Variants in SLCO3A1 observed in about 807,000 individuals in gnomAD.
SLCO3A1 encodes the protein solute carrier organic anion transporter family member 3A1.
A neutral mutation model predicts 63.1 loss-of-function variants in SLCO3A1; 27 were observed. The observed-to-expected ratio is 0.43, with a 90% confidence interval of 0.32 to 0.59. The LOEUF (loss-of-function observed/expected upper bound fraction) is 0.59. Ranked by LOEUF, SLCO3A1 falls within the 20% of genes least tolerant of loss-of-function variation. The pLI, the probability that SLCO3A1 is intolerant of heterozygous loss-of-function variation, is 0.09. For missense variants in SLCO3A1, 773 were observed against 945.8 expected, an observed-to-expected ratio of 0.82 and a Z score of 2.40; for synonymous variants, 473 against 409.9, an observed-to-expected ratio of 1.15 and a Z score of -1.86.
chr15:92,006,184 T>C (rs2046310785), intron 2 of SLCO3A1, among the ~76,000 whole-genome samples: 2 of 152,136 alleles, frequency 1.3e-5, no homozygotes. Context: ...ATAAGCCAGG[T>C]TGTGCTGGAG....
intron 2 of SLCO3A1, among the ~76,000 whole-genome samples, chr15:92,022,996 A>G (rs1287161546): frequency 6.6e-6 from 1 of 151,898 alleles, no homozygotes; most frequent in African/African-American, 2.4e-5. Flanking sequence ...AAGTCATCGA[A>G]TCAACTGAGT....
chr15:91,996,975 T>C (rs1030764354), intron 2 of SLCO3A1, among the ~76,000 whole-genome samples: 3 of 151,990 alleles, frequency 2.0e-5, no homozygotes, highest in African/African-American at 7.3e-5. Flanking sequence ...ATAAACTAAG[T>C]TAAAAGACAA....
chr15:91,854,276 G>T lies in SLCO3A1; in HGVS notation c.180+188G>T. The stretch of plus-strand genomic sequence containing the variant: ...TGCCGGCCGGGGCTGCCAGCGAGCG[G>T]GTAGCGGGCGGGACCGTTGATGCCG... On this transcript the variant is annotated intron_variant, in intron 1 of 9. Transcript: ENST00000318445. The surrounding 1 kb of genome is among the most constrained non-coding windows in gnomAD (Gnocchi z 6.4). 8.7e-7 allele frequency: 1 copy of T among 1,155,086 alleles called. No homozygotes were observed. The highest frequency in any genetic ancestry group is 1.1e-6 in the Non-Finnish European group (1 of 932,988). The allele number at this position is 1,155,086 out of a possible 1,614,324, so 71.6% of individuals were successfully genotyped here. A position where few individuals can be genotyped will look rare whatever the true frequency, so the allele number is the denominator to read the frequency against.
chr15:92,021,503 A>G lies in SLCO3A1; in HGVS notation c.647-73378A>G, dbSNP rs575772357. Among the ~76,000 whole-genome samples the G allele has an allele frequency of 6.6e-5, 10 of 152,268 alleles. No homozygotes were observed. The South Asian group carries it at 1.9e-3, about 28-fold the overall frequency. On this transcript the variant is annotated intron_variant, in intron 2 of 9. Coordinates refer to ENST00000318445, the MANE Select transcript of SLCO3A1 (RefSeq NM_013272.4). ...AGACATTTTGCAAGAAGGCAGACACAATGCATTTTGAGAAAACAACCACTC... is the reference window on the plus strand; with the variant it reads ...AGACATTTTGCAAGAAGGCAGACACGATGCATTTTGAGAAAACAACCACTC...
chr15:92,156,373 G>A (rs1457272735), intron 9 of SLCO3A1, among the ~76,000 whole-genome samples: 1 of 152,148 alleles, frequency 6.6e-6, no homozygotes, highest in African/African-American at 2.4e-5. Flanking sequence ...ACCTCCTGAT[G>A]TACCTGCACC....
chr15:92,096,209 G>A (rs2047536843), intron 3 of SLCO3A1, among the ~76,000 whole-genome samples: 1 of 152,134 alleles, frequency 6.6e-6, no homozygotes, highest in Non-Finnish European at 1.5e-5. Context: ...TGGGCCCACA[G>A]GAGGGGACTA....
At chr15:92,111,570 C>T (rs1333013436) in intron 4 of SLCO3A1, among the ~76,000 whole-genome samples, 4 of 152,132 alleles carry the variant, frequency 2.6e-5, no homozygotes, top group Non-Finnish European at 5.9e-5. Context: ...TTATAGGTCC[C>T]CACGGACCAG....
At chr15:92,007,898 T>C (rs1723411929) in intron 2 of SLCO3A1, among the ~76,000 whole-genome samples, 1 of 152,194 alleles carries the variant, frequency 6.6e-6, no homozygotes, top group South Asian at 2.1e-4. Context: ...GTTTATTTAT[T>C]TTCTAAATTT....
At chr15:92,031,686 T>C (rs2046650696) in intron 2 of SLCO3A1, among the ~76,000 whole-genome samples, 1 of 152,222 alleles carries the variant, frequency 6.6e-6, no homozygotes, top group African/African-American at 2.4e-5. Context: ...ACATAGTAGG[T>C]GAATATATTT....
intron 2 of SLCO3A1, among the ~76,000 whole-genome samples, chr15:91,959,738 A>G (rs1900371060): frequency 1.3e-5 from 2 of 151,178 alleles, no homozygotes; most frequent in African/African-American, 4.9e-5. Flanking sequence ...AAAAAAAAAA[A>G]AAAAAGAAAA....
At chr15:92,039,511 A>G (rs2046770525) in intron 2 of SLCO3A1, among the ~76,000 whole-genome samples, 1 of 152,224 alleles carries the variant, frequency 6.6e-6, no homozygotes, top group Non-Finnish European at 1.5e-5. Flanking sequence ...AAACAAAACG[A>G]CAATGAGATA....
chr15:91,989,047 C>G (rs1301662503), intron 2 of SLCO3A1, among the ~76,000 whole-genome samples: 1 of 152,200 alleles, frequency 6.6e-6, no homozygotes, highest in African/African-American at 2.4e-5. Context: ...TAACCTGACT[C>G]TTCTTGAATT....
At chr15:92,079,608 C>T (rs1567108017) in intron 2 of SLCO3A1, among the ~76,000 whole-genome samples, 1 of 152,248 alleles carries the variant, frequency 6.6e-6, no homozygotes, top group Non-Finnish European at 1.5e-5. Context: ...AAAGCCCTAT[C>T]TCTGAACACA....
At position 91,948,863 on chromosome 15, in the gene SLCO3A1, A is replaced by G. The variant is rs66548165; in HGVS notation, c.646+32405A>G. On this transcript the variant is annotated intron_variant, in intron 2 of 9. Transcript: ENST00000318445. This position sits in a 1 kb window ranked among gnomAD's most constrained non-coding sequence, Gnocchi z 4.8. ...AGTGTCTCAGAGCCTGCAGAGCACCATCCATCCTCAATTCCTTTAATAACC... is the reference window on the plus strand; with the variant it reads ...AGTGTCTCAGAGCCTGCAGAGCACCGTCCATCCTCAATTCCTTTAATAACC... Among the ~76,000 whole-genome samples the G allele has an allele frequency of 0.24, 36,889 of 151,850 alleles. 4,819 individuals are homozygous for G. Among genetic ancestry groups the G allele is most frequent in the East Asian group, 0.46 (2,361 of 5,148 alleles).
chr15:92,032,720 G>C (rs2046669214), intron 2 of SLCO3A1, among the ~76,000 whole-genome samples: 1 of 152,186 alleles, frequency 6.6e-6, no homozygotes, highest in African/African-American at 2.4e-5. Flanking sequence ...CGGTTGCGAT[G>C]CTCCTGGCAA....
intron 2 of SLCO3A1, among the ~76,000 whole-genome samples, chr15:91,928,384 G>A (rs1236719244): frequency 2.0e-5 from 3 of 152,162 alleles, no homozygotes; most frequent in Non-Finnish European, 2.9e-5. Flanking sequence ...TAAAGTTCAT[G>A]GGGCTTAAGC....
intron 1 of SLCO3A1, among the ~76,000 whole-genome samples, chr15:91,855,024 G>A (rs1232220175): frequency 6.6e-6 from 1 of 152,104 alleles, no homozygotes; most frequent in Non-Finnish European, 1.5e-5. Flanking sequence ...CTGTCTAAAC[G>A]GGAAATTTTT....
chr15:91,999,428 G>T (rs1245896517), intron 2 of SLCO3A1, among the ~76,000 whole-genome samples: 1 of 152,136 alleles, frequency 6.6e-6, no homozygotes, highest in Non-Finnish European at 1.5e-5. Flanking sequence ...TAGAAAAATG[G>T]GTATAAAATA....
chr15:92,065,070 TTTTGTTTG>T (rs35791741), intron 2 of SLCO3A1, among the ~76,000 whole-genome samples: 3 of 150,854 alleles, frequency 2.0e-5, no homozygotes, highest in East Asian at 2.0e-4. Flanking sequence ...TACCCACGTT[TTTTGTTTG>T]TTTGTTTGTT....
Sources: gnomAD v4.1 joint callset for allele counts (sites outside exome capture counted in the v4.1 genomes callset) on GRCh38, gnomAD v4.1.1 for gene constraint, Gnocchi (gnomAD v3.1) non-coding constraint, MANE v1.5 for transcripts, NCBI Gene and HGNC (gene_info 2026-07-23, HGNC 2026-07-21) for gene names.